VPS13B: variants seen among roughly 807,000 people sequenced by gnomAD.
VPS13B encodes the protein vacuolar protein sorting 13 homolog B.
In VPS13B, 285 loss-of-function variants were observed where a neutral mutation model predicts 426.4. The observed-to-expected ratio is 0.67, with a 90% CI of 0.61 to 0.74. The LOEUF is 0.74. VPS13B is among the 30% of genes least tolerant of loss of function. The probability of loss-of-function intolerance (pLI) is 0.00; values close to 1 mark genes in which losing one functional copy is unlikely to be tolerated. For synonymous variants in VPS13B, 1,676 were observed against 1,676.4 expected (o/e 1.00, Z 0.01); for missense variants, 4,537 against 4,782.6 (o/e 0.95, Z 1.51).
intron 9 of VPS13B, 139 bp downstream of exon 9, chr8:99,134,866 C>A: frequency 8.6e-7 from 1 of 1,156,838 alleles, no homozygotes; most frequent in Non-Finnish European, 1.2e-6. Flanking sequence ...TTTACTATCT[C>A]ATGGATAGTA....
chr8:99,611,980 C>T (rs558751812), intron 33 of VPS13B, among the ~76,000 whole-genome samples: 55 of 152,218 alleles, frequency 3.6e-4, no homozygotes, highest in African/African-American at 1.3e-3. Context: ...TTAGCCCTCT[C>T]TATAACTCCA....
chr8:99,357,152 A>G (rs1382133933), intron 19 of VPS13B, among the ~76,000 whole-genome samples: 1 of 152,130 alleles, frequency 6.6e-6, no homozygotes, highest in Admixed American at 6.5e-5. Context: ...CTGTATTTTC[A>G]TGCAAATATT....
chr8:99,465,477 A>G (rs575447137), intron 23 of VPS13B, among the ~76,000 whole-genome samples: 1 of 151,840 alleles, frequency 6.6e-6, no homozygotes, highest in South Asian at 2.1e-4. Context: ...TCCAAAGAAG[A>G]CGCAGAAATA....
At chr8:99,087,258 T>C (rs560464798) in intron 3 of VPS13B, among the ~76,000 whole-genome samples, 194 of 152,298 alleles carry the variant, frequency 1.3e-3, no homozygotes, top group Non-Finnish European at 2.2e-3. Flanking sequence ...CACCCAGCCA[T>C]GTGCGGGATT....
intron 17 of VPS13B, among the ~76,000 whole-genome samples, chr8:99,206,614 C>G (rs761455140): frequency 6.6e-6 from 1 of 152,160 alleles, no homozygotes; most frequent in South Asian, 2.1e-4. Context: ...AAATATTCCT[C>G]TTACTTTACT....
chr8:99,299,376 C>T (rs142702099), intron 19 of VPS13B, among the ~76,000 whole-genome samples: 4 of 151,950 alleles, frequency 2.6e-5, no homozygotes, highest in African/African-American at 9.6e-5. Context: ...TATTCCACCG[C>T]TTTACGTTTT....
intron 33 of VPS13B, among the ~76,000 whole-genome samples, chr8:99,620,204 GC>G (rs1314596508): frequency 6.6e-6 from 1 of 152,110 alleles, no homozygotes; most frequent in African/African-American, 2.4e-5. Flanking sequence ...TGATAGTGTT[GC>G]AATAAAAACC....
At chr8:99,130,047 A>C (rs1406709056) in intron 8 of VPS13B, among the ~76,000 whole-genome samples, 3 of 152,192 alleles carry the variant, frequency 2.0e-5, no homozygotes, top group Admixed American at 2.0e-4. Context: ...ACAACAACAA[A>C]ACAAAATAGT....
chr8:99,372,920 C>T, intron 19 of VPS13B, among the ~76,000 whole-genome samples: 1 of 152,148 alleles, frequency 6.6e-6, no homozygotes, highest in Non-Finnish European at 1.5e-5. Flanking sequence ...CATCCAAATG[C>T]CCATCAGTGA....
chr8:99,509,111 T>C (rs1232697000), intron 28 of VPS13B, among the ~76,000 whole-genome samples: 1 of 152,178 alleles, frequency 6.6e-6, no homozygotes, highest in African/African-American at 2.4e-5. Context: ...CTCCCCAGTT[T>C]AGACACTTAG....
intron 17 of VPS13B, among the ~76,000 whole-genome samples, chr8:99,265,692 G>A (rs75079359): frequency 0.066 from 9,986 of 152,158 alleles, 423 homozygotes; most frequent in African/African-American, 0.12. Flanking sequence ...TTTTAGTCAT[G>A]CCTCATCTTT....
At chr8:99,137,882 T>A (rs1352217032) in intron 12 of VPS13B, among the ~76,000 whole-genome samples, 1 of 152,192 alleles carries the variant, frequency 6.6e-6, no homozygotes, top group Non-Finnish European at 1.5e-5. Context: ...TCAAAACTGA[T>A]TTTGTCCAAA....
chr8:99,215,135 T>C (rs1412001568), intron 17 of VPS13B, among the ~76,000 whole-genome samples: 1 of 152,188 alleles, frequency 6.6e-6, no homozygotes, highest in African/African-American at 2.4e-5. Context: ...TTGCAGAATG[T>C]CTAAAGATGA....
chr8:99,206,879 G>A (rs1197349146), intron 17 of VPS13B, among the ~76,000 whole-genome samples: 1 of 107,902 alleles, frequency 9.3e-6, no homozygotes, highest in Non-Finnish European at 2.1e-5. Flanking sequence ...CTTCTAATGT[G>A]TTCTAAGATA....
chr8:99,430,862 G>A (rs1373748687), intron 21 of VPS13B, among the ~76,000 whole-genome samples: 1 of 152,050 alleles, frequency 6.6e-6, no homozygotes, highest in African/African-American at 2.4e-5. Context: ...GGGATTACAG[G>A]TGCCTGCCAC....
intron 2 of VPS13B, among the ~76,000 whole-genome samples, chr8:99,026,671 A>G (rs919057746): frequency 2.6e-5 from 4 of 152,092 alleles, no homozygotes; most frequent in African/African-American, 9.7e-5. Flanking sequence ...ATGCTTGCCA[A>G]ATTGACTTCA....
chr8:99,072,478 C>G (rs1414124078), intron 3 of VPS13B, among the ~76,000 whole-genome samples: 1 of 152,122 alleles, frequency 6.6e-6, no homozygotes, highest in Non-Finnish European at 1.5e-5. Context: ...TTTAGTTTTC[C>G]CTCTCCTCTC....
intron 21 of VPS13B, among the ~76,000 whole-genome samples, chr8:99,412,124 T>C (rs1386007497): frequency 1.3e-5 from 2 of 152,236 alleles, no homozygotes; most frequent in Non-Finnish European, 2.9e-5. Flanking sequence ...GCACTGAATG[T>C]ATAAATTACT....
At position 99,143,075 on chromosome 8, in the gene VPS13B, C is replaced by CGTTTG. The variant is rs1810518393; in HGVS notation, c.1755_1759dup (p.Asp587ValfsTer11). ...CCTTGTTATAGGTCCTCTTGATTTT[C>CGTTTG]GTTTGGATAGCAGTGCGGTGCATAG... On this transcript the variant is annotated frameshift_variant, in exon 13 of 62. Transcript: ENST00000357162. LOFTEE classifies it high-confidence loss of function. 2 of 1,613,966 alleles carry CGTTTG rather than the reference C, an allele frequency of 1.2e-6. No individual in the cohort carries two copies.
Sources: allele counts gnomAD v4.1 joint callset (sites outside exome capture counted in the v4.1 genomes callset), GRCh38; gene constraint gnomAD v4.1.1; transcripts MANE v1.5; gene names NCBI Gene and HGNC (gene_info 2026-07-23, HGNC 2026-07-21).